The following ESPN variants were observed in gnomAD, a reference collection of about 807,000 sequenced individuals.
ESPN encodes espin, also known as autosomal recessive deafness type 36 protein.
Under a neutral mutation model 77.7 loss-of-function variants are expected in ESPN, and 68 were observed. The observed-to-expected ratio is 0.87, with a 90% CI of 0.72 to 1.07. The LOEUF is 1.07. Ranked by LOEUF, ESPN falls within the 50% of genes least tolerant of loss-of-function variation. The pLI is 0.00. For missense variants in ESPN, 1,060 were observed against 1,239.0 expected (o/e 0.86, Z 2.17); for synonymous variants, 449 against 567.1 (o/e 0.79, Z 2.96).
chr1:6,431,190 G>A (rs949656973), intron 2 of ESPN, among the ~76,000 whole-genome samples: 2 of 152,220 alleles, frequency 1.3e-5, no homozygotes, highest in African/African-American at 2.4e-5. Flanking sequence ...CCCTGGGCTC[G>A]TGGGTGCTGC....
intron 5 of ESPN, among the ~76,000 whole-genome samples, chr1:6,442,437 G>C (rs1289865354): frequency 6.6e-6 from 1 of 151,684 alleles, no homozygotes; most frequent in African/African-American, 2.4e-5. Context: ...AGCCAGGTAT[G>C]GTAGCACACG....
In ESPN at chr1:6,457,203, G is replaced by T. The variant is rs764608871; in HGVS notation, c.2345G>T (p.Arg782Leu). 1 of 1,608,384 alleles carries T rather than the reference G, an allele frequency of 6.2e-7. No individual in the cohort carries two copies. Among genetic ancestry groups the T allele is most frequent in the Non-Finnish European group, 8.5e-7 (1 of 1,177,262 alleles). ...TTTCAGGAGGAGGAGGAGGAGGCCC[G>T]GCTGGCCAGCATGCCCGCCTGGAGG... ...QRRKEEEEEA[R>L]LASMPAWRRD... Residue 782 changes from arginine to leucine, a missense_variant, in exon 11 of 13, where the codon CGG becomes CTG. Arg to Leu is a moderately radical substitution (Grantham distance 102, BLOSUM62 -2). Coordinates refer to ENST00000645284, the MANE Select transcript of ESPN (RefSeq NM_031475.3).
rs768884315 is a variant in ESPN, at chr1:6,444,598, C to T, written c.1108C>T (p.Leu370Phe). ...GTCGGTCCAGCCGCTGAACTTTGAC[C>T]TCAGCTCGCCTACCAGCACCCTCTC... Reference protein sequence around the residue: ...TVSVQPLNFDLSSPTSTLSNY... With the variant: ...TVSVQPLNFDFSSPTSTLSNY... The change falls in exon 6 of 13, where the codon CTC (leucine) becomes TTC (phenylalanine). Residue 370 changes from leucine to phenylalanine, a missense_variant. Coordinates refer to ENST00000645284, the MANE Select transcript of ESPN (RefSeq NM_031475.3). 1.9e-6 allele frequency: 3 copies of T among 1,614,220 alleles called. No homozygotes were observed. The highest frequency in any genetic ancestry group is 2.2e-5 in the South Asian group (2 of 91,082).
intron 5 of ESPN, among the ~76,000 whole-genome samples, chr1:6,441,773 G>A (rs1380410610): frequency 2.0e-5 from 3 of 152,232 alleles, no homozygotes; most frequent in African/African-American, 7.2e-5. Context: ...CCATGGGGCA[G>A]CCTGGCCATG....
chr1:6,451,837 A>C lies in ESPN; in HGVS notation c.2066A>C (p.Asp689Ala), dbSNP rs373419035. 26 of 1,611,212 alleles carry C rather than the reference A, an allele frequency of 1.6e-5. No homozygotes were observed. Among genetic ancestry groups the C allele is most frequent in the Non-Finnish European group, 1.9e-5 (22 of 1,179,326 alleles). The change falls in exon 10 of 13, where the codon GAT (aspartate) becomes GCT (alanine). Residue 689 changes from aspartate (D) to alanine (A), a missense_variant. This residue lies in a region of ESPN where 374 missense variants were observed against 381.4 expected (regional missense o/e 0.98). Transcript: ENST00000645284. The surrounding 1 kb of genome is among the most constrained non-coding windows in gnomAD (Gnocchi z 4.3). ...CCCCACCGCTTCTCCCTGCAGCCCGATTCGCCGCTGCCTTCTGTGTCACCT... is the reference window on the plus strand; with the variant it reads ...CCCCACCGCTTCTCCCTGCAGCCCGCTTCGCCGCTGCCTTCTGTGTCACCT... The part of the protein sequence containing the change: ...SGIGQPAFQP[D>A]SPLPSVSPAL...
downstream of ESPN, chr1:6,461,336 G>T: frequency 1.4e-6 from 2 of 1,408,902 alleles, no homozygotes; most frequent in East Asian, 2.5e-5. This position sits in a 1 kb window ranked among gnomAD's most constrained non-coding sequence, Gnocchi z 6.3. Context: ...CGTGCCAGCG[G>T]CTTAATAAGT....
rs1392924428 is a variant in ESPN, at chr1:6,425,294, G to A, written c.294+45G>A. On this transcript the variant is annotated intron_variant, in intron 1 of 12. Transcript: ENST00000645284. ...CAGGGGCACTGAGGCTTCCTCCTCA[G>A]GACAGAGTCCTGGCCCAGAGTCCCC... is the stretch of plus-strand genomic sequence containing the variant. The A allele has an allele frequency of 1.9e-6, 3 of 1,552,370 alleles. No homozygotes were observed. In the Admixed American group the frequency reaches 5.5e-5, roughly 28 times the overall value.
Position 6,441,065 on chromosome 1 carries a change from G to A in ESPN, c.990G>A (p.Leu330=). The change falls in exon 5 of 13, where the codon CTG becomes CTA. Residue 330 remains leucine (L), a splice_region_variant and synonymous_variant. Transcript: ENST00000645284. ...CTRYLRTVEN[L]SVEHRVLSRD... is the part of the protein sequence containing the mutation. ...GCTACCTGCGCACGGTGGAGAACCT[G>A]GTACGATCCCTGAGCTGCTCCTGTC... 6.2e-7 allele frequency: 1 copy of A among 1,610,816 alleles called. No individual in the cohort carries two copies. The highest frequency in any genetic ancestry group is 1.1e-5 in the South Asian group (1 of 90,556).
intron 8 of ESPN, among the ~76,000 whole-genome samples, chr1:6,449,982 G>A (rs918123315): frequency 5.9e-5 from 9 of 152,274 alleles, no homozygotes; most frequent in East Asian, 1.9e-4. Flanking sequence ...GTCCCCCTAC[G>A]GTTCCTATGG....
intron 3 of ESPN, 25 bp from the exon 4 acceptor site, chr1:6,440,601 C>CCCCAAA: frequency 8.0e-7 from 1 of 1,253,550 alleles, no homozygotes; most frequent in South Asian, 1.3e-5. Flanking sequence ...GCCCCCGCCC[C>CCCCAAA]CCTCTCCCCG....
chr1:6,456,764 T>C, intron 10 of ESPN: 1 of 300,942 alleles, frequency 3.3e-6, no homozygotes. Flanking sequence ...ATGGCAACCA[T>C]GGGGTGAAGG....
Position 6,445,689 on chromosome 1 carries a change from C to T in ESPN, c.1218C>T (p.Asp406=), listed in dbSNP as rs1424951459. 10 of 1,612,752 alleles carry T rather than the reference C, an allele frequency of 6.2e-6. No homozygotes were observed. Among genetic ancestry groups the T allele is most frequent in the Non-Finnish European group, 6.8e-6 (8 of 1,179,920 alleles). Residue 406 remains aspartate, a synonymous_variant, in exon 7 of 13, where the codon GAC becomes GAT. Transcript: ENST00000645284. ...PCGLSSARAA[D]IQSYMDMLNP... ...GGCTTTCCAGCGCTAGAGCTGCAGACATACAGAGCTACATGGACATGCTGA... is the reference window on the plus strand; with the variant it reads ...GGCTTTCCAGCGCTAGAGCTGCAGATATACAGAGCTACATGGACATGCTGA...
chr1:6,448,293 G>A (rs1207123473), intron 7 of ESPN, among the ~76,000 whole-genome samples: 1 of 152,168 alleles, frequency 6.6e-6, no homozygotes, highest in Non-Finnish European at 1.5e-5. Flanking sequence ...CGAGGGCCTA[G>A]TGAGGGCTAA....
chr1:6,440,490 A>AG, intron 3 of ESPN, 50 bp downstream of exon 3: 10 of 1,182,834 alleles, frequency 8.5e-6, no homozygotes, highest in Non-Finnish European at 1.1e-5. Context: ...CGGAGCCGGC[A>AG]GGGCGGGGAG....
At chr1:6,461,127 C>A (rs45559234), downstream of ESPN, 2 of 604,128 alleles carry the variant, frequency 3.3e-6, no homozygotes, top group Admixed American at 2.2e-5. This position sits in a 1 kb window ranked among gnomAD's most constrained non-coding sequence, Gnocchi z 6.3. Context: ...AACACCCCAG[C>A]CCCGCAGAAA....
rs949244074 is a variant in ESPN at position 6,450,849 on chromosome 1, G to A, written c.1916-754G>A. The stretch of plus-strand genomic sequence containing the variant: ...TCCCAGACCTGACCCCTTCATCGGG[G>A]CTCAAGAGACCTCTCTCTCCAAATC... On this transcript the variant is annotated intron_variant, in intron 8 of 12. Coordinates refer to ENST00000645284, the MANE Select transcript of ESPN (RefSeq NM_031475.3). The surrounding 1 kb of genome is among the most constrained non-coding windows in gnomAD (Gnocchi z 4.3). 6.6e-6 allele frequency among the ~76,000 whole-genome samples: 1 copy of A among 152,082 alleles called. No individual in the cohort carries two copies. The highest frequency in any genetic ancestry group is 1.5e-5 in the Non-Finnish European group (1 of 68,016).
chr1:6,444,485 T>TG lies in ESPN; in HGVS notation c.997dup (p.Glu333GlyfsTer16), dbSNP rs1643754602. 6.2e-7 allele frequency: 1 copy of TG among 1,614,140 alleles called. No individual in the cohort carries two copies. Among genetic ancestry groups the TG allele is most frequent in the African/African-American group, 1.3e-5 (1 of 75,056 alleles). ...GCCTCCCTGCCTCCCCTTCAGAGCG[T>TG]GGAGCACCGCGTGCTTTCCCGGGAT... On this transcript the variant is annotated frameshift_variant, in exon 6 of 13. Coordinates refer to ENST00000645284, the MANE Select transcript of ESPN (RefSeq NM_031475.3). LOFTEE classifies it high-confidence loss of function.
In ESPN at chr1:6,448,858, G is replaced by A. The variant is rs1166868196; in HGVS notation, c.1682G>A (p.Arg561His). The A allele has an allele frequency of 1.9e-5, 24 of 1,262,022 alleles. No homozygotes were observed. In the East Asian group the frequency reaches 7.4e-4, roughly 39 times the overall value. 78.2% of individuals were successfully genotyped at this position (1,262,022 alleles called of 1,614,324 possible). A position where few individuals can be genotyped will look rare whatever the true frequency, so the allele number is the denominator to read the frequency against. Reference protein sequence around the residue: ...AGCPRLGPAARGSLEGPSAPP... With the variant: ...AGCPRLGPAAHGSLEGPSAPP... ...TGCCCGCGCCTCGGCCCTGCCGCCC[G>A]CGGCTCACTCGAAGGCCCCTCCGCT... The change falls in exon 8 of 13, where the codon CGC becomes CAC. Residue 561 changes from arginine (R) to histidine (H), a missense_variant. Transcript: ENST00000645284.
rs113844756 is a variant in ESPN, at chr1:6,437,598, C to T, written c.489-2656C>T. 0.094 allele frequency: 14,318 copies of T among 152,296 alleles called. 1,023 individuals carry two copies. Among genetic ancestry groups the T allele is most frequent in the African/African-American group, 0.19 (7,902 of 41,506 alleles). 9.4% of individuals were successfully genotyped at this position (152,296 alleles called of 1,614,324 possible). A position where few individuals can be genotyped will look rare whatever the true frequency, so the allele number is the denominator to read the frequency against. ...TCTGAAGATAGATACGTAGCTGTGT[C>T]TTCTGTCTCCCTCATCTATGTCGAC... On this transcript the variant is annotated intron_variant, in intron 2 of 12. Coordinates refer to ENST00000645284, the MANE Select transcript of ESPN (RefSeq NM_031475.3). This position sits in a 1 kb window ranked among gnomAD's most constrained non-coding sequence, Gnocchi z 4.5.
Sources: allele counts gnomAD v4.1 joint callset (sites outside exome capture counted in the v4.1 genomes callset), GRCh38; gene constraint gnomAD v4.1.1; regional missense constraint gnomAD v4.1.1; non-coding constraint Gnocchi (gnomAD v3.1); transcripts MANE v1.5; gene names NCBI Gene and HGNC (gene_info 2026-07-23, HGNC 2026-07-21).